Variants in TNK1 observed in about 807,000 individuals in gnomAD.
TNK1 encodes the protein non-receptor tyrosine-protein kinase TNK1.
In TNK1, 53 loss-of-function variants were observed where a neutral mutation model predicts 65.2. That is an observed-to-expected ratio of 0.81 (90% CI 0.65 to 1.02). The LOEUF (loss-of-function observed/expected upper bound fraction) is 1.02, where lower values mean the gene tolerates loss of function less well. Among genes scored for constraint, TNK1 ranks in the 50% least tolerant of loss-of-function variants. The pLI is 0.00. For missense variants in TNK1, 837 were observed against 878.4 expected, an observed-to-expected ratio of 0.95 and a Z score of 0.60; for synonymous variants, 353 against 364.6, an observed-to-expected ratio of 0.97 and a Z score of 0.36.
At chr17:7,381,418 G>A (rs931141375) in intron 1 of TNK1, among the ~76,000 whole-genome samples, 1 of 152,196 alleles carries the variant, frequency 6.6e-6, no homozygotes, top group African/African-American at 2.4e-5. Context: ...TGCTTATAAT[G>A]TAGGGGAAGG....
chr17:7,383,117 G>T, intron 2 of TNK1, 28 bp downstream of exon 2: 1 of 1,613,662 alleles, frequency 6.2e-7, no homozygotes, highest in African/African-American at 1.3e-5. Flanking sequence ...CGAGGCCCTG[G>T]TCTCTCTGTC....
rs61745660 is a variant in TNK1, at chr17:7,388,873, G to A, written c.1862G>A (p.Arg621Gln). ...GGGGGAGATGTGGTTTCTGCCATCC[G>A]GAACCTCAAGGTAAAGCCAGCCCCT... The part of the protein sequence containing the change: ...ATGGDVVSAI[R>Q]NLKVDQLFHL... The change falls in exon 12 of 13, where the codon CGG becomes CAG. Residue 621 changes from arginine (R) to glutamine (Q), a missense_variant. Transcript: ENST00000688331. The surrounding 1 kb of genome is among the most constrained non-coding windows in gnomAD (Gnocchi z 4.5). The A allele has an allele frequency of 7.5e-6, 12 of 1,595,254 alleles. No homozygotes were observed. Among genetic ancestry groups the A allele is most frequent in the East Asian group, 2.3e-5 (1 of 43,976 alleles).
Position 7,386,642 on chromosome 17 carries a change from G to C in TNK1, c.1219G>C (p.Val407Leu). The C allele has an allele frequency of 6.3e-7, 1 of 1,590,748 alleles. No individual in the cohort carries two copies. The highest frequency in any genetic ancestry group is 1.3e-5 in the African/African-American group (1 of 74,540). Reference protein sequence around the residue: ...LRMETGDPITVIEGSPDSTIW... With the variant: ...LRMETGDPITLIEGSPDSTIW... ...GATGGAGACTGGTGACCCCATCACA[G>C]TCATCGAGGGCAGGTGACAGTCCCA... Residue 407 changes from valine to leucine, a missense_variant, in exon 8 of 13, where the codon GTC becomes CTC. By Grantham distance (32) the Val-to-Leu change is conservative (BLOSUM62 1). Transcript: ENST00000688331.
chr17:7,380,561 G>A (rs35499164), upstream of TNK1: 14,900 of 152,132 alleles, frequency 0.098, 1,129 homozygotes, highest in East Asian at 0.34. Context: ...ACTCTGTCTA[G>A]GCCAGGGCCA....
At chr17:7,381,231 C>G (rs1231392521) in intron 1 of TNK1, 117 bp downstream of exon 1, 1 of 152,456 alleles carries the variant, frequency 6.6e-6, no homozygotes, top group Non-Finnish European at 1.5e-5. Flanking sequence ...CCTTCCCTCC[C>G]GCAGCCGCGC....
chr17:7,386,106 G>A (rs1431673835), intron 7 of TNK1, among the ~76,000 whole-genome samples: 18 of 152,190 alleles, frequency 1.2e-4, no homozygotes, highest in Non-Finnish European at 5.9e-5. Context: ...TCACCATGAC[G>A]GCACTCTGAT....
At position 7,386,911 on chromosome 17, in the gene TNK1, G is replaced by A. The variant is rs894612725; in HGVS notation, c.1233-79G>A. On this transcript the variant is annotated intron_variant, in intron 8 of 12. Coordinates refer to ENST00000688331, the MANE Select transcript of TNK1 (RefSeq NM_003985.6). ...ATGCGGCTCCAAGGCACATAGCCTA[G>A]TGAGCTGACTGTGGGCCAGGGCCCA... 41 of 1,461,368 alleles carry A rather than the reference G, an allele frequency of 2.8e-5. No homozygotes were observed. In the African/African-American group the frequency reaches 5.7e-4, roughly 20 times the overall value. 90.5% of individuals were successfully genotyped at this position (1,461,368 alleles called of 1,614,324 possible). A position where few individuals can be genotyped will look rare whatever the true frequency, so the allele number is the denominator to read the frequency against.
chr17:7,384,902 G>A (rs1905096001), intron 7 of TNK1, 148 bp downstream of exon 7: 4 of 1,137,728 alleles, frequency 3.5e-6, no homozygotes, highest in African/African-American at 1.6e-5. Flanking sequence ...CCTACCTGCA[G>A]GGAGATCAGA....
Position 7,384,248 on chromosome 17 carries a change from C to A in TNK1, c.861C>A (p.Tyr287Ter). The A allele has an allele frequency of 1.4e-6, 2 of 1,470,616 alleles. No individual in the cohort carries two copies. Among genetic ancestry groups the A allele is most frequent in the Non-Finnish European group, 1.8e-6 (2 of 1,118,948 alleles). 91.1% of individuals were successfully genotyped at this position (1,470,616 alleles called of 1,614,324 possible). A position where few individuals can be genotyped will look rare whatever the true frequency, so the allele number is the denominator to read the frequency against. Residue 287 changes from tyrosine to a stop codon, truncating the protein, a stop_gained, in exon 6 of 13, where the codon TAC (tyrosine) becomes TAA (stop). Transcript: ENST00000688331. LOFTEE classifies it high-confidence loss of function. The part of the protein sequence containing the change: ...YVMGGPRPIP[Y>*]AWCAPESLRH... ...TGGGCGGGCCCCGCCCTATCCCCTA[C>A]GCCTGGTGAGAGCGGGTCCGCGGGC...
rs1433380897 is a variant in TNK1 at position 7,388,142 on chromosome 17, G to A, written c.1478-264G>A. 6.6e-6 allele frequency among the ~76,000 whole-genome samples: 1 copy of A among 152,196 alleles called. No homozygotes were observed. The highest frequency in any genetic ancestry group is 1.5e-5 in the Non-Finnish European group (1 of 68,044). On this transcript the variant is annotated intron_variant, in intron 10 of 12. Transcript: ENST00000688331. This position sits in a 1 kb window ranked among gnomAD's most constrained non-coding sequence, Gnocchi z 4.5. The stretch of plus-strand genomic sequence containing the variant: ...CTCAGCACAGATGAAGACAGAGAGT[G>A]GGGCCAGGCATGGTGGCTCAAGCCT...
chr17:7,382,064 A>G lies in TNK1; in HGVS notation c.-91-772A>G, dbSNP rs1904848142. 6.6e-6 allele frequency among the ~76,000 whole-genome samples: 1 copy of G among 152,162 alleles called. No individual in the cohort carries two copies. The highest frequency in any genetic ancestry group is 1.5e-5 in the Non-Finnish European group (1 of 68,012). Reference sequence around the variant, plus strand: ...GGGCGGATCACGAGGTCAGGAGTTCAAGACCAGCCTGGCCAATATGGTGAA... The same window carrying G: ...GGGCGGATCACGAGGTCAGGAGTTCGAGACCAGCCTGGCCAATATGGTGAA... On this transcript the variant is annotated intron_variant, in intron 1 of 12. Transcript: ENST00000688331. The surrounding 1 kb of genome is among the most constrained non-coding windows in gnomAD (Gnocchi z 4.1).
At chr17:7,384,327 G>A (rs1488063396) in intron 6 of TNK1, 74 bp downstream of exon 6, 3 of 1,434,032 alleles carry the variant, frequency 2.1e-6, no homozygotes, top group Non-Finnish European at 2.7e-6. Context: ...GGAGATCGGA[G>A]GGGGCCGGGC....
At position 7,382,800 on chromosome 17, in the gene TNK1, C is replaced by G; in HGVS notation, c.-91-36C>G. ...GATCCTGGCTGTCTCTGCTGTGTCC[C>G]TGCCTCTGTACCTGAGTGTTTCTAA... is the stretch of plus-strand genomic sequence containing the variant. On this transcript the variant is annotated intron_variant, in intron 1 of 12. Coordinates refer to ENST00000688331, the MANE Select transcript of TNK1 (RefSeq NM_003985.6). This position sits in a 1 kb window ranked among gnomAD's most constrained non-coding sequence, Gnocchi z 4.1. 1 of 1,017,172 alleles carries G rather than the reference C, an allele frequency of 9.8e-7. No homozygotes were observed. The highest frequency in any genetic ancestry group is 1.4e-6 in the Non-Finnish European group (1 of 701,300). The allele number at this position is 1,017,172 out of a possible 1,614,324, so 63.0% of individuals were successfully genotyped here. A position where few individuals can be genotyped will look rare whatever the true frequency, so the allele number is the denominator to read the frequency against.
At position 7,386,633 on chromosome 17, in the gene TNK1, C is replaced by G; in HGVS notation, c.1210C>G (p.Pro404Ala). 1 of 1,597,840 alleles carries G rather than the reference C, an allele frequency of 6.3e-7. No homozygotes were observed. The highest frequency in any genetic ancestry group is 1.1e-5 in the South Asian group (1 of 88,016). ...CGCCCTGAGGATGGAGACTGGTGAC[C>G]CCATCACAGTCATCGAGGGCAGGTG... ...PGALRMETGDPITVIEGSPDS... is the reference protein window; with the variant it reads ...PGALRMETGDAITVIEGSPDS... Residue 404 changes from proline to alanine, a missense_variant, in exon 8 of 13, where the codon CCC (proline) becomes GCC (alanine). Pro to Ala is a conservative substitution (Grantham distance 27, BLOSUM62 -1). Transcript: ENST00000688331.
upstream of TNK1, chr17:7,381,043 C>G (rs76231574): frequency 1.3e-3 from 203 of 152,456 alleles, 1 homozygote; most frequent in African/African-American, 4.7e-3. Context: ...GGGATTTACT[C>G]CTGTCCCGCC....
rs373739740 is a variant in TNK1 at position 7,388,990 on chromosome 17, T to C, written c.1892T>C (p.Leu631Pro). 1.3e-6 allele frequency: 2 copies of C among 1,554,224 alleles called. No individual in the cohort carries two copies. The highest frequency in any genetic ancestry group is 1.4e-5 in the African/African-American group (1 of 73,302). ...RNLKVDQLFHLSSRSRADCWR... is the reference protein window; with the variant it reads ...RNLKVDQLFHPSSRSRADCWR... ...CCACAGGTAGATCAGCTCTTCCACC[T>C]GAGTAGCCGGTCCAGAGCTGACTGC... Residue 631 changes from leucine (L) to proline (P), a missense_variant, in exon 13 of 13, where the codon CTG (leucine) becomes CCG (proline). Leu to Pro is a moderately conservative substitution (Grantham distance 98). Coordinates refer to ENST00000688331, the MANE Select transcript of TNK1 (RefSeq NM_003985.6). The surrounding 1 kb of genome is among the most constrained non-coding windows in gnomAD (Gnocchi z 4.5).
In TNK1 at chr17:7,383,572, G is replaced by T; in HGVS notation, c.382G>T (p.Gly128Cys). ...GGAGCTGCTGGGTTCAGGCTGCTTCGGTGTGGTGCACCGAGGGCTGTGGAC... is the reference window on the plus strand; with the variant it reads ...GGAGCTGCTGGGTTCAGGCTGCTTCTGTGTGGTGCACCGAGGGCTGTGGAC... ...RGELLGSGCF[G>C]VVHRGLWTLP... Residue 128 changes from glycine (G) to cysteine (C), a missense_variant, in exon 4 of 13, where the codon GGT becomes TGT. Transcript: ENST00000688331. 1 of 1,611,998 alleles carries T rather than the reference G, an allele frequency of 6.2e-7. No homozygotes were observed. The highest frequency in any genetic ancestry group is 8.5e-7 in the Non-Finnish European group (1 of 1,178,904).
chr17:7,383,338 G>A lies in TNK1; in HGVS notation c.234+18G>A. On this transcript the variant is annotated intron_variant, in intron 3 of 12. Transcript: ENST00000688331. ...TCTACAAGGTGTGTGTTGTAGGTGGGCAGCTTGGGCCTGGGAATGAGGTGG... is the reference window on the plus strand; with the variant it reads ...TCTACAAGGTGTGTGTTGTAGGTGGACAGCTTGGGCCTGGGAATGAGGTGG... 1 of 1,614,016 alleles carries A rather than the reference G, an allele frequency of 6.2e-7. No homozygotes were observed. Among genetic ancestry groups the A allele is most frequent in the African/African-American group, 1.3e-5 (1 of 75,050 alleles).
At position 7,384,588 on chromosome 17, in the gene TNK1, G is replaced by T. The variant is rs1905067585; in HGVS notation, c.971G>T (p.Trp324Leu). 6.2e-7 allele frequency: 1 copy of T among 1,612,434 alleles called. No homozygotes were observed. The highest frequency in any genetic ancestry group is 8.5e-7 in the Non-Finnish European group (1 of 1,179,334). ...ATGTTCTCCGGGGGCGAGGAACCCT[G>T]GGCCGGGGTCCCACCGTACCTCATC... ...WEMFSGGEEP[W>L]AGVPPYLILQ... Residue 324 changes from tryptophan to leucine, a missense_variant, in exon 7 of 13, where the codon TGG becomes TTG. By Grantham distance (61) the Trp-to-Leu change is moderately conservative. Coordinates refer to ENST00000688331, the MANE Select transcript of TNK1 (RefSeq NM_003985.6).
Sources: allele counts gnomAD v4.1 joint callset (sites outside exome capture counted in the v4.1 genomes callset), GRCh38; gene constraint gnomAD v4.1.1; non-coding constraint Gnocchi (gnomAD v3.1); transcripts MANE v1.5; gene names NCBI Gene and HGNC (gene_info 2026-07-23, HGNC 2026-07-21).